The following PDE4D variants were observed in gnomAD, a reference collection of about 807,000 sequenced individuals.
The protein encoded by PDE4D is 3',5'-cyclic-AMP phosphodiesterase 4D.
In PDE4D, 24 loss-of-function variants were observed where a neutral mutation model predicts 87.4. The observed-to-expected ratio is 0.27, with a 90% CI of 0.20 to 0.39. The LOEUF (loss-of-function observed/expected upper bound fraction) is 0.39. Among genes scored for constraint, PDE4D ranks in the 10% least tolerant of loss-of-function variants. PDE4D has a pLI of 1.00. For missense variants in PDE4D, 714 were observed against 1,041.0 expected (o/e 0.69, Z 4.32); for synonymous variants, 384 against 383.2 (o/e 1.00, Z -0.02).
At chr5:59,221,197 C>T (rs1752478802) in intron 1 of PDE4D, among the ~76,000 whole-genome samples, 1 of 152,150 alleles carries the variant, frequency 6.6e-6, no homozygotes, top group Admixed American at 6.6e-5. Context: ...GGAGAATGGA[C>T]TCTGTTTACA....
chr5:59,929,934 C>T (rs77377953), intron 3 of PDE4D, among the ~76,000 whole-genome samples: 1 of 152,084 alleles, frequency 6.6e-6, no homozygotes, highest in East Asian at 1.9e-4. Context: ...AAAATGTTAG[C>T]TTCATGCAAA....
intron 2 of PDE4D, among the ~76,000 whole-genome samples, chr5:60,058,358 C>A (rs1045702758): frequency 6.6e-6 from 1 of 151,806 alleles, no homozygotes; most frequent in Non-Finnish European, 1.5e-5. Flanking sequence ...TACTATTCTG[C>A]AAGCAGTGAC....
At chr5:59,217,562 G>A (rs567224776) in intron 1 of PDE4D, among the ~76,000 whole-genome samples, 1 of 152,102 alleles carries the variant, frequency 6.6e-6, no homozygotes, top group Non-Finnish European at 1.5e-5. Flanking sequence ...TCTTAGAATT[G>A]TGTCTCTTTA....
chr5:59,202,906 C>G (rs1051293232), intron 2 of PDE4D, among the ~76,000 whole-genome samples: 2 of 152,182 alleles, frequency 1.3e-5, no homozygotes, highest in Non-Finnish European at 2.9e-5. Context: ...CAGACTAGTA[C>G]AGTGACCTTC....
intron 2 of PDE4D, among the ~76,000 whole-genome samples, chr5:60,057,803 A>C (rs756929907): frequency 2.6e-5 from 4 of 152,028 alleles, no homozygotes; most frequent in Non-Finnish European, 5.9e-5. Flanking sequence ...TCATTTGAAG[A>C]AAATAGAAGT....
At chr5:60,517,675 T>C (rs995374200) in intron 1 of PDE4D, among the ~76,000 whole-genome samples, 2 of 151,924 alleles carry the variant, frequency 1.3e-5, no homozygotes, top group African/African-American at 2.4e-5. Flanking sequence ...AGCTGCAGGC[T>C]TGACAGGACA....
intron 1 of PDE4D, among the ~76,000 whole-genome samples, chr5:59,851,364 G>A (rs1352603755): frequency 2.6e-5 from 4 of 151,994 alleles, no homozygotes; most frequent in African/African-American, 9.7e-5. Flanking sequence ...AGTTAGTTAT[G>A]CTATTGTTTT....
At chr5:60,348,021 C>A (rs1758874848) in intron 1 of PDE4D, among the ~76,000 whole-genome samples, 1 of 152,016 alleles carries the variant, frequency 6.6e-6, no homozygotes, top group African/African-American at 2.4e-5. Flanking sequence ...AAATTATTGC[C>A]CGCCTACTTT....
In PDE4D at chr5:58,983,809, G is replaced by GCCCCATCTA. The variant is rs1309432526; in HGVS notation, c.1552+4675_1552+4683dup. On this transcript the variant is annotated intron_variant, in intron 11 of 14. Coordinates refer to ENST00000340635, the MANE Select transcript of PDE4D (RefSeq NM_001104631.2). ...TTTTTGTGACACTCTCTTGTTCTGT[G>GCCCCATCTA]CCCCATCTAAACTAGCAGCTTTTCA... Among the ~76,000 whole-genome samples, 7 of 152,270 alleles carry GCCCCATCTA rather than the reference G, an allele frequency of 4.6e-5. No individual in the cohort carries two copies. The East Asian group carries it at 1.3e-3, about 29-fold the overall frequency.
At chr5:59,587,627 C>T (rs1825359674) in intron 1 of PDE4D, 2 of 985,216 alleles carry the variant, frequency 2.0e-6, no homozygotes, top group Non-Finnish European at 2.4e-6. Context: ...ATTAACTCTG[C>T]AGCAGCCTGG....
intron 1 of PDE4D, among the ~76,000 whole-genome samples, chr5:59,661,563 A>G (rs943800890): frequency 2.6e-5 from 4 of 152,176 alleles, no homozygotes; most frequent in African/African-American, 9.7e-5. Context: ...ATTGAGTCAT[A>G]CTCCTGAGCT....
At chr5:59,508,949 G>A (rs1288176390) in intron 1 of PDE4D, among the ~76,000 whole-genome samples, 4 of 151,896 alleles carry the variant, frequency 2.6e-5, no homozygotes, top group Non-Finnish European at 1.5e-5. Context: ...ACAGAGTGGG[G>A]CCAACATAAG....
chr5:59,394,475 A>G (rs945406237), intron 1 of PDE4D, among the ~76,000 whole-genome samples: 1 of 152,190 alleles, frequency 6.6e-6, no homozygotes, highest in Non-Finnish European at 1.5e-5. Context: ...AAGATAATTA[A>G]TGTTACCATT....
At chr5:60,440,054 T>C (rs1368011829) in intron 1 of PDE4D, among the ~76,000 whole-genome samples, 1 of 152,102 alleles carries the variant, frequency 6.6e-6, no homozygotes, top group Non-Finnish European at 1.5e-5. Context: ...ACAGCATTGA[T>C]GATCTGTGAG....
intron 1 of PDE4D, among the ~76,000 whole-genome samples, chr5:59,517,762 T>G (rs899199295): frequency 2.6e-5 from 4 of 152,078 alleles, no homozygotes; most frequent in African/African-American, 9.7e-5. Flanking sequence ...GATCTAGGAG[T>G]GTTATTGTTC....
intron 1 of PDE4D, among the ~76,000 whole-genome samples, chr5:60,439,324 C>T (rs1462212731): frequency 6.6e-6 from 1 of 151,900 alleles, no homozygotes; most frequent in African/African-American, 2.4e-5. Flanking sequence ...TCATTCCATC[C>T]TTAATAATTT....
At position 60,078,591 on chromosome 5, in the gene PDE4D, T is replaced by C. The variant is rs929468390; in HGVS notation, c.43-89874A>G. ...GTGTGTTGTTCCCTCTCTGTGTCCA[T>C]GTGTTCTCAATGTTCAACCCCCACT... is the stretch of plus-strand genomic sequence containing the variant. On this transcript the variant is annotated intron_variant, in intron 2 of 16. Coordinates refer to the PDE4D transcript ENST00000502484. Among the ~76,000 whole-genome samples the C allele has an allele frequency of 1.1e-4, 17 of 152,188 alleles. 1 individual carries two copies. The highest frequency in any genetic ancestry group is 3.6e-4 in the African/African-American group (15 of 41,442).
intron 1 of PDE4D, among the ~76,000 whole-genome samples, chr5:59,567,011 T>A (rs1821049989): frequency 6.6e-6 from 1 of 152,194 alleles, no homozygotes; most frequent in Non-Finnish European, 1.5e-5. Flanking sequence ...CTCTCCAATT[T>A]TTACATTACA....
chr5:60,178,889 G>T (rs142895521), intron 2 of PDE4D, among the ~76,000 whole-genome samples: 1 of 152,066 alleles, frequency 6.6e-6, no homozygotes, highest in African/African-American at 2.4e-5. Flanking sequence ...AACTGCTGGG[G>T]TACCATTTGG....
Sources: allele counts gnomAD v4.1 joint callset (sites outside exome capture counted in the v4.1 genomes callset), GRCh38; gene constraint gnomAD v4.1.1; transcripts MANE v1.5; gene names NCBI Gene and HGNC (gene_info 2026-07-23, HGNC 2026-07-21).